Variants in NUP214 observed in about 807,000 individuals in gnomAD.
NUP214 encodes nucleoporin 214.
Under a neutral mutation model 196.2 loss-of-function variants are expected in NUP214, and 79 were observed. The observed-to-expected ratio is 0.40, with a 90% confidence interval of 0.34 to 0.49. The LOEUF (loss-of-function observed/expected upper bound fraction) is 0.49. Ranked by LOEUF, NUP214 falls within the 20% of genes least tolerant of loss-of-function variation. NUP214 has a pLI of 0.58. For synonymous variants in NUP214, 1,020 were observed against 990.5 expected, an observed-to-expected ratio of 1.03 and a Z score of -0.56; for missense variants, 2,468 against 2,539.0, an observed-to-expected ratio of 0.97 and a Z score of 0.60.
intron 32 of NUP214, 50 bp from the exon 33 acceptor site, chr9:131,228,110 T>G (rs377200386): frequency 6.7e-7 from 1 of 1,481,638 alleles, no homozygotes. Context: ...TCTTCCTGTC[T>G]CCTCCTTTCT....
Position 131,146,057 on chromosome 9 carries a change from G to A in NUP214, c.1770-72G>A, listed in dbSNP as rs982761060. 2.3e-6 allele frequency: 3 copies of A among 1,326,482 alleles called. No homozygotes were observed. The highest frequency in any genetic ancestry group is 3.2e-6 in the Non-Finnish European group (3 of 942,146). 82.2% of individuals were successfully genotyped at this position (1,326,482 alleles called of 1,614,324 possible). On this transcript the variant is annotated intron_variant, in intron 12 of 35. Coordinates refer to ENST00000359428, the MANE Select transcript of NUP214 (RefSeq NM_005085.4). This position sits in a 1 kb window ranked among gnomAD's most constrained non-coding sequence, Gnocchi z 4.6. ...AAAAGATAATAAGTTATCTTTTGAT[G>A]ACATTGCTCATGCTAGTGTAAAAGA... is the stretch of plus-strand genomic sequence containing the variant.
chr9:131,192,270 C>G lies in NUP214; in HGVS notation c.3637C>G (p.Pro1213Ala). 2 of 1,535,880 alleles carry G rather than the reference C, an allele frequency of 1.3e-6. No individual in the cohort carries two copies. The highest frequency in any genetic ancestry group is 1.8e-6 in the Non-Finnish European group (2 of 1,135,902). Residue 1213 changes from proline to alanine, a missense_variant, in exon 27 of 36, where the codon CCT (proline) becomes GCT (alanine). Pro to Ala is a conservative substitution (Grantham distance 27). This residue lies in a region of NUP214 where 1,801 missense variants were observed against 1,779.4 expected (regional missense o/e 1.01). Coordinates refer to ENST00000359428, the MANE Select transcript of NUP214 (RefSeq NM_005085.4). ...ATCTGCTTCTGGGCAGTTCAGCAAGCCTTTCTCATTTTCTCCATCAGGGTC... is the reference window on the plus strand; with the variant it reads ...ATCTGCTTCTGGGCAGTTCAGCAAGGCTTTCTCATTTTCTCCATCAGGGTC... ...TPSASGQFSK[P>A]FSFSPSGTGF...
At chr9:131,159,655 C>T (rs1000821618) in intron 18 of NUP214, among the ~76,000 whole-genome samples, 169 bp downstream of exon 18, 12 of 152,236 alleles carry the variant, frequency 7.9e-5, no homozygotes, top group African/African-American at 2.4e-4. Flanking sequence ...ATCGGGAGTT[C>T]GAGACCAGCC....
At position 131,233,525 on chromosome 9, in the gene NUP214, C is replaced by T. The variant is rs368954627; in HGVS notation, c.*38C>T. ...AGGCCTTTCGATCCCTGGGACCAAC[C>T]GCATCCTCAGCTTCTTCCCCGAGAA... On this transcript the variant is annotated 3_prime_UTR_variant, in exon 36 of 36. Coordinates refer to ENST00000359428, the MANE Select transcript of NUP214 (RefSeq NM_005085.4). 3 of 1,612,462 alleles carry T rather than the reference C, an allele frequency of 1.9e-6. No homozygotes were observed. Among genetic ancestry groups the T allele is most frequent in the African/African-American group, 1.3e-5 (1 of 74,986 alleles).
intron 32 of NUP214, among the ~76,000 whole-genome samples, chr9:131,225,608 C>G (rs907676425): frequency 6.6e-6 from 1 of 152,088 alleles, no homozygotes; most frequent in African/African-American, 2.4e-5. Flanking sequence ...AAAGTGAGGG[C>G]AGGGGAAAGG....
At position 131,146,267 on chromosome 9, in the gene NUP214, C is replaced by G. The variant is rs376265453; in HGVS notation, c.1908C>G (p.Ser636=). 6.2e-7 allele frequency: 1 copy of G among 1,614,178 alleles called. No individual in the cohort carries two copies. Among genetic ancestry groups the G allele is most frequent in the South Asian group, 1.1e-5 (1 of 91,076 alleles). ...CACCTCTCTCAGCACCACCTAGTTC[C>G]GTGCCATTGAAGTCCTCAGTCTTGC... ...HPTPLSAPPS[S]VPLKSSVLPS... is the part of the protein sequence containing the mutation. The change falls in exon 13 of 36, where the codon TCC becomes TCG. Residue 636 remains serine (S), a synonymous_variant. Coordinates refer to ENST00000359428, the MANE Select transcript of NUP214 (RefSeq NM_005085.4). This position sits in a 1 kb window ranked among gnomAD's most constrained non-coding sequence, Gnocchi z 4.6.
Position 131,164,083 on chromosome 9 carries a change from G to T in NUP214, c.2832G>T (p.Gln944His). The change falls in exon 21 of 36, where the codon CAG (glutamine) becomes CAT (histidine). Residue 944 changes from glutamine to histidine, a missense_variant. Transcript: ENST00000359428. ...CAGCCAAACTGTCCCCCATGAAACA[G>T]GCACAACTGAGAAACTTCTTGGCCA... is the stretch of plus-strand genomic sequence containing the variant. The part of the protein sequence containing the change: ...KVPAKLSPMK[Q>H]AQLRNFLAKR... 6.2e-7 allele frequency: 1 copy of T among 1,614,156 alleles called. No homozygotes were observed. The highest frequency in any genetic ancestry group is 1.1e-5 in the South Asian group (1 of 91,080).
intron 30 of NUP214, among the ~76,000 whole-genome samples, chr9:131,203,047 G>A (rs1382626699): frequency 6.6e-6 from 1 of 151,674 alleles, no homozygotes; most frequent in Non-Finnish European, 1.5e-5. Flanking sequence ...CCAGGTTCAC[G>A]CCATTCTCCT....
At chr9:131,130,711 C>A in intron 4 of NUP214, 55 bp from the exon 5 acceptor site, 2 of 1,463,380 alleles carry the variant, frequency 1.4e-6, no homozygotes, top group Non-Finnish European at 1.9e-6. Context: ...TGTGATAGAT[C>A]TTATTGGTTT....
At position 131,198,636 on chromosome 9, in the gene NUP214, T is replaced by A. The variant is rs1158574042; in HGVS notation, c.5142T>A (p.Gly1714=). The A allele has an allele frequency of 1.2e-5, 19 of 1,614,118 alleles. No homozygotes were observed. The highest frequency in any genetic ancestry group is 1.5e-5 in the Non-Finnish European group (18 of 1,180,046). Residue 1714 remains glycine (G), a synonymous_variant, in exon 29 of 36, where the codon GGT becomes GGA. Coordinates refer to ENST00000359428, the MANE Select transcript of NUP214 (RefSeq NM_005085.4). Reference sequence around the variant, plus strand: ...CAGGGTTTAGCAGCCCAGCTTTTGGTACCACAGCCCCAGGGGTCTTTGGAC... The same window carrying A: ...CAGGGTTTAGCAGCCCAGCTTTTGGAACCACAGCCCCAGGGGTCTTTGGAC... The part of the protein sequence containing the change: ...SSSGFSSPAF[G]TTAPGVFGQT...
intron 16 of NUP214, 96 bp downstream of exon 16, chr9:131,150,861 A>G (rs529660113): frequency 9.2e-5 from 112 of 1,215,298 alleles, no homozygotes; most frequent in South Asian, 5.8e-4. Flanking sequence ...TTCTTCAAGG[A>G]CCACCAGTGT....
chr9:131,185,678 G>A (rs1299421371), intron 24 of NUP214, among the ~76,000 whole-genome samples: 2 of 152,006 alleles, frequency 1.3e-5, no homozygotes, highest in African/African-American at 4.8e-5. Flanking sequence ...GTTTTTTTCT[G>A]TGTGCTGTCT....
At chr9:131,154,854 C>T (rs554890956) in intron 17 of NUP214, among the ~76,000 whole-genome samples, 22 of 152,244 alleles carry the variant, frequency 1.4e-4, no homozygotes, top group African/African-American at 4.8e-4. Context: ...CGCACGCGCA[C>T]GCTCGCGTGT....
chr9:131,175,516 A>G lies in NUP214; in HGVS notation c.3214A>G (p.Thr1072Ala). 6.2e-7 allele frequency: 1 copy of G among 1,614,218 alleles called. No individual in the cohort carries two copies. ...PQGADSTMLA[T>A]KTVKHGAPSP... ...AGGGGCCGATAGCACAATGCTTGCCACGAAAACCGTGAAACATGGTGCACC... is the reference window on the plus strand; with the variant it reads ...AGGGGCCGATAGCACAATGCTTGCCGCGAAAACCGTGAAACATGGTGCACC... Residue 1072 changes from threonine (T) to alanine (A), a missense_variant, in exon 23 of 36, where the codon ACG (threonine) becomes GCG (alanine). By Grantham distance (58) the Thr-to-Ala change is moderately conservative (BLOSUM62 0). Around this residue, in one of 5 missense-constraint regions of NUP214, gnomAD observed 1,801 missense variants for 1,779.4 expected, o/e 1.01. Transcript: ENST00000359428.
chr9:131,227,637 G>T (rs1834758780), intron 32 of NUP214, among the ~76,000 whole-genome samples: 1 of 152,240 alleles, frequency 6.6e-6, no homozygotes, highest in African/African-American at 2.4e-5. Flanking sequence ...GATTCTCCCT[G>T]AGAGGAGGTT....
intron 24 of NUP214, among the ~76,000 whole-genome samples, chr9:131,178,703 AT>A (rs11454350): frequency 0.049 from 6,957 of 141,178 alleles, 191 homozygotes; most frequent in African/African-American, 0.09. Flanking sequence ...GTGCAGGTTG[AT>A]TTTTTTTTTT....
At chr9:131,227,825 G>A (rs1834763620) in intron 32 of NUP214, among the ~76,000 whole-genome samples, 1 of 152,138 alleles carries the variant, frequency 6.6e-6, no homozygotes, top group Non-Finnish European at 1.5e-5. Context: ...CACCGAGTGG[G>A]CTCTTGGAGG....
rs141692907 is a variant in NUP214 at position 131,176,446 on chromosome 9, CCTCCTGGATAG to C, written c.3319+828_3319+838del. Among the ~76,000 whole-genome samples, 25 of 152,068 alleles carry C rather than the reference CCTCCTGGATAG, an allele frequency of 1.6e-4. No individual in the cohort carries two copies. In the East Asian group the frequency reaches 4.9e-3, roughly 30 times the overall value. On this transcript the variant is annotated intron_variant, in intron 23 of 35. Transcript: ENST00000359428. ...AACCCAGGTGACCTTCCCACCTCAG[CCTCCTGGATAG>C]CTAGGACTACAGGCATGCACCACTA...
chr9:131,227,922 G>A (rs78131535), intron 32 of NUP214, among the ~76,000 whole-genome samples: 5,520 of 143,200 alleles, frequency 0.039, 119 homozygotes, highest in African/African-American at 0.069. Context: ...GGAATGGAGG[G>A]GAGTGGTTTG....
Sources: gnomAD v4.1 joint callset for allele counts (sites outside exome capture counted in the v4.1 genomes callset) on GRCh38, gnomAD v4.1.1 for gene constraint, gnomAD v4.1.1 regional missense constraint, Gnocchi (gnomAD v3.1) non-coding constraint, MANE v1.5 for transcripts, NCBI Gene and HGNC (gene_info 2026-07-23, HGNC 2026-07-21) for gene names.